The following SPRED1 variants were observed in gnomAD, a reference collection of about 807,000 sequenced individuals.
SPRED1 encodes sprouty related EVH1 domain containing 1.
A neutral mutation model predicts 52.3 loss-of-function variants in SPRED1; 18 were observed. The ratio of observed to expected loss-of-function variants is 0.34; its 90% CI spans 0.24 to 0.51. The LOEUF is 0.51. SPRED1 is among the 20% of genes least tolerant of loss of function. SPRED1 has a pLI of 0.97. For synonymous variants in SPRED1, 155 were observed against 179.7 expected (o/e 0.86, Z 1.10); for missense variants, 485 against 551.0 (o/e 0.88, Z 1.20).
chr15:38,289,050 A>G (rs554689010), intron 1 of SPRED1, among the ~76,000 whole-genome samples: 109 of 152,296 alleles, frequency 7.2e-4, no homozygotes, highest in Middle Eastern at 3.4e-3. Flanking sequence ...CTTAGGAATC[A>G]GGGAGTAGAC....
chr15:38,302,628 G>A (rs867954147), intron 2 of SPRED1, among the ~76,000 whole-genome samples: 1 of 152,114 alleles, frequency 6.6e-6, no homozygotes, highest in Non-Finnish European at 1.5e-5. Flanking sequence ...TTTCCAACCT[G>A]TGTGCCATGA....
chr15:38,343,623 T>C (rs956209902), intron 5 of SPRED1, among the ~76,000 whole-genome samples: 2 of 152,118 alleles, frequency 1.3e-5, no homozygotes, highest in African/African-American at 4.8e-5. Context: ...TTCTAGATCA[T>C]CTGGGAGCTT....
intron 1 of SPRED1, among the ~76,000 whole-genome samples, chr15:38,258,696 A>G (rs1894149690): frequency 6.6e-6 from 1 of 152,162 alleles, no homozygotes; most frequent in Non-Finnish European, 1.5e-5. Context: ...CTTATTTTTT[A>G]AATGCTTTAT....
intron 1 of SPRED1, among the ~76,000 whole-genome samples, chr15:38,293,580 T>G (rs1894969006): frequency 1.3e-5 from 2 of 152,190 alleles, no homozygotes; most frequent in Non-Finnish European, 1.5e-5. Context: ...AATATCTCCT[T>G]CATTAGGGTT....
chr15:38,263,916 G>A (rs188898130), intron 1 of SPRED1, among the ~76,000 whole-genome samples: 2 of 152,308 alleles, frequency 1.3e-5, no homozygotes, highest in African/African-American at 4.8e-5. Flanking sequence ...CCCATGGGCC[G>A]CGGGTTGGAT....
chr15:38,313,602 T>C (rs1895412149), intron 2 of SPRED1, among the ~76,000 whole-genome samples: 1 of 151,480 alleles, frequency 6.6e-6, no homozygotes, highest in African/African-American at 2.4e-5. Context: ...GGAATTCATA[T>C]TATCCGTTAC....
chr15:38,287,668 C>T (rs1894838986), intron 1 of SPRED1, among the ~76,000 whole-genome samples: 2 of 152,146 alleles, frequency 1.3e-5, no homozygotes, highest in South Asian at 4.1e-4. Flanking sequence ...CTTTACTGAA[C>T]ATGTACACAC....
In SPRED1 at chr15:38,324,914, C is replaced by G. The variant is rs1879937; in HGVS notation, c.423+105C>G. 0.99 allele frequency: 952,537 copies of G among 963,096 alleles called. 471,702 individuals carry two copies. Among genetic ancestry groups the G allele is most frequent in the East Asian group, 1 (38,642 of 38,642 alleles). 59.7% of individuals were successfully genotyped at this position (963,096 alleles called of 1,614,324 possible). A position where few individuals can be genotyped will look rare whatever the true frequency, so the allele number is the denominator to read the frequency against. On this transcript the variant is annotated intron_variant, in intron 4 of 6. Transcript: ENST00000299084. ...TTACTAAGAATATTTCTAAGACACT[C>G]TATTTGTCAGATTTCTCCAGAAGAA...
At chr15:38,294,603 A>G (rs1391712552) in intron 1 of SPRED1, among the ~76,000 whole-genome samples, 7 of 152,330 alleles carry the variant, frequency 4.6e-5, no homozygotes, top group South Asian at 2.1e-4. Flanking sequence ...GGTATGTATT[A>G]TAATAGAAAA....
chr15:38,294,268 C>T (rs1894985231), intron 1 of SPRED1, among the ~76,000 whole-genome samples: 1 of 151,986 alleles, frequency 6.6e-6, no homozygotes, highest in Non-Finnish European at 1.5e-5. Flanking sequence ...ATAAATATGC[C>T]TCAATGGATA....
At chr15:38,304,096 G>A (rs989530504) in intron 2 of SPRED1, among the ~76,000 whole-genome samples, 3 of 152,104 alleles carry the variant, frequency 2.0e-5, no homozygotes, top group Admixed American at 2.0e-4. Flanking sequence ...AGCCTAAAAC[G>A]AAATTAGAAT....
At chr15:38,292,186 A>T (rs1231777751) in intron 1 of SPRED1, among the ~76,000 whole-genome samples, 1 of 152,146 alleles carries the variant, frequency 6.6e-6, no homozygotes. Context: ...ACATAACAAG[A>T]TTCAGCTTTG....
chr15:38,305,911 G>A (rs1230469900), intron 2 of SPRED1, among the ~76,000 whole-genome samples: 2 of 152,102 alleles, frequency 1.3e-5, no homozygotes, highest in Non-Finnish European at 2.9e-5. Context: ...TATTCAAACA[G>A]ATCTTCTTTA....
chr15:38,331,099 A>C (rs905048147), intron 4 of SPRED1, among the ~76,000 whole-genome samples: 1 of 152,190 alleles, frequency 6.6e-6, no homozygotes, highest in Non-Finnish European at 1.5e-5. Context: ...AAAAATAAAA[A>C]GCTAGGCACT....
At chr15:38,315,116 C>T (rs1895450162) in intron 2 of SPRED1, among the ~76,000 whole-genome samples, 1 of 151,718 alleles carries the variant, frequency 6.6e-6, no homozygotes, top group African/African-American at 2.4e-5. Flanking sequence ...AATTAAAGTT[C>T]ATTATAAGGG....
At chr15:38,276,271 G>C (rs1167491799) in intron 1 of SPRED1, among the ~76,000 whole-genome samples, 1 of 150,838 alleles carries the variant, frequency 6.6e-6, no homozygotes, top group Non-Finnish European at 1.5e-5. Context: ...AGGGGTAGAG[G>C]TAGGTGTATA....
intron 4 of SPRED1, among the ~76,000 whole-genome samples, chr15:38,334,620 G>A (rs1304653909): frequency 6.6e-6 from 1 of 151,902 alleles, no homozygotes; most frequent in Non-Finnish European, 1.5e-5. Flanking sequence ...TGACTGTTCT[G>A]TACCTAGCTT....
At chr15:38,331,633 C>G (rs1349945954) in intron 4 of SPRED1, among the ~76,000 whole-genome samples, 1 of 151,750 alleles carries the variant, frequency 6.6e-6, no homozygotes, top group African/African-American at 2.4e-5. Flanking sequence ...ATTTTTTTTA[C>G]TAGGGTAGGT....
Position 38,351,607 on chromosome 15 carries a change from C to T in SPRED1, c.1278C>T (p.Cys426=), listed in dbSNP as rs1313604330. 6.8e-6 allele frequency: 11 copies of T among 1,613,888 alleles called. No homozygotes were observed. Among genetic ancestry groups the T allele is most frequent in the East Asian group, 2.2e-5 (1 of 44,894 alleles). ...GCTGCTACGTCCCTTTGAGAATGTG[C>T]CATCGCTGTGGTGAGGCATGTGGTT... is the stretch of plus-strand genomic sequence containing the variant. ...CMCCYVPLRM[C]HRCGEACGCC... Residue 426 remains cysteine, a synonymous_variant, in exon 7 of 7, where the codon TGC becomes TGT. Transcript: ENST00000299084.
Sources: gnomAD v4.1 joint callset for allele counts (sites outside exome capture counted in the v4.1 genomes callset) on GRCh38, gnomAD v4.1.1 for gene constraint, MANE v1.5 for transcripts, NCBI Gene and HGNC (gene_info 2026-07-23, HGNC 2026-07-21) for gene names.